PPFIA2: variants seen among roughly 807,000 people sequenced by gnomAD.
The protein encoded by PPFIA2 is PPFI scaffold protein A2, also known as liprin-alpha-2.
In PPFIA2, 46 loss-of-function variants were observed where a neutral mutation model predicts 175.5. That is an observed-to-expected ratio of 0.26 (90% CI 0.21 to 0.34). The LOEUF is 0.34. PPFIA2 is among the 10% of genes least tolerant of loss of function. PPFIA2 has a pLI of 1.00. For missense variants in PPFIA2, 1,179 were observed against 1,506.1 expected (o/e 0.78, Z 3.60); for synonymous variants, 568 against 511.4 (o/e 1.11, Z -1.49).
chr12:81,637,576 T>C (rs1056044349), intron 4 of PPFIA2, among the ~76,000 whole-genome samples: 4 of 152,126 alleles, frequency 2.6e-5, no homozygotes, highest in African/African-American at 7.2e-5. Context: ...ACTTACAGCA[T>C]TGTAGCATTT....
intron 22 of PPFIA2, among the ~76,000 whole-genome samples, chr12:81,308,498 C>T (rs2049915025): frequency 1.3e-5 from 2 of 152,156 alleles, no homozygotes; most frequent in African/African-American, 4.8e-5. Flanking sequence ...CTCTCTTAAC[C>T]TCCATGCCAT....
intron 8 of PPFIA2, among the ~76,000 whole-genome samples, chr12:81,388,367 A>C (rs541225183): frequency 6.6e-6 from 1 of 152,290 alleles, no homozygotes; most frequent in African/African-American, 2.4e-5. Context: ...AAAAACATTA[A>C]GCTGAGAAAT....
At chr12:81,346,361 T>G (rs2059068842) in intron 18 of PPFIA2, among the ~76,000 whole-genome samples, 1 of 151,760 alleles carries the variant, frequency 6.6e-6, no homozygotes, top group African/African-American at 2.4e-5. Context: ...CACTCTCTGT[T>G]GAGATAATGC....
At chr12:81,439,534 G>A (rs1475019786) in intron 7 of PPFIA2, among the ~76,000 whole-genome samples, 2 of 152,076 alleles carry the variant, frequency 1.3e-5, no homozygotes, top group Non-Finnish European at 2.9e-5. Context: ...ATTCAGTGAC[G>A]TCACTAAATA....
intron 4 of PPFIA2, among the ~76,000 whole-genome samples, chr12:81,626,221 G>C (rs1406253500): frequency 6.6e-6 from 1 of 151,668 alleles, no homozygotes; most frequent in Non-Finnish European, 1.5e-5. Flanking sequence ...TAAAAAAAAG[G>C]GGGTGGGATG....
intron 28 of PPFIA2, among the ~76,000 whole-genome samples, chr12:81,275,418 T>A (rs2040265503): frequency 6.6e-6 from 1 of 152,244 alleles, no homozygotes; most frequent in Non-Finnish European, 1.5e-5. Flanking sequence ...CCATTAGAAC[T>A]AATGTACTTT....
intron 4 of PPFIA2, among the ~76,000 whole-genome samples, chr12:81,463,109 A>G (rs2054950928): frequency 6.6e-6 from 1 of 152,100 alleles, no homozygotes; most frequent in Non-Finnish European, 1.5e-5. Flanking sequence ...AAAATGTATG[A>G]TTTAAATATA....
chr12:81,495,586 C>T (rs1007604258), intron 4 of PPFIA2, among the ~76,000 whole-genome samples: 3 of 152,136 alleles, frequency 2.0e-5, no homozygotes, highest in Admixed American at 6.6e-5. Flanking sequence ...AGAAGGATTG[C>T]TTGAGCCCAG....
intron 3 of PPFIA2, among the ~76,000 whole-genome samples, chr12:81,753,480 T>C (rs1251511877): frequency 2.0e-5 from 3 of 149,598 alleles, no homozygotes; most frequent in African/African-American, 7.4e-5. Context: ...AGGGAGAGGA[T>C]AATATATTAG....
intron 22 of PPFIA2, among the ~76,000 whole-genome samples, chr12:81,316,330 T>C (rs2052346253): frequency 6.6e-6 from 1 of 151,616 alleles, no homozygotes; most frequent in South Asian, 2.1e-4. Flanking sequence ...TGAGATTTTA[T>C]ATTAACAGGA....
intron 4 of PPFIA2, among the ~76,000 whole-genome samples, chr12:81,671,006 A>G (rs903915553): frequency 2.6e-5 from 4 of 151,922 alleles, no homozygotes; most frequent in African/African-American, 9.7e-5. Context: ...CATCAACTCC[A>G]ATAGCTTTAA....
At chr12:81,398,504 C>A (rs746789109) in intron 8 of PPFIA2, among the ~76,000 whole-genome samples, 2 of 151,976 alleles carry the variant, frequency 1.3e-5, no homozygotes, top group Non-Finnish European at 2.9e-5. Context: ...TACTTGTTAC[C>A]TGTTTATCTC....
intron 4 of PPFIA2, among the ~76,000 whole-genome samples, chr12:81,582,163 T>C (rs901253658): frequency 6.6e-6 from 1 of 151,960 alleles, no homozygotes; most frequent in East Asian, 1.9e-4. Flanking sequence ...AATTGAAACA[T>C]CTTGTTTACA....
chr12:81,353,348 T>C lies in PPFIA2; in HGVS notation c.1774-9A>G. 2 of 1,591,588 alleles carry C rather than the reference T, an allele frequency of 1.3e-6. No homozygotes were observed. Among genetic ancestry groups the C allele is most frequent in the South Asian group, 2.2e-5 (2 of 90,540 alleles). ...TCCCCAAGAGATTTCACCTGAATGG[T>C]GAATGAAAAAATGCAGAATATTTAT... On this transcript the variant is annotated splice_polypyrimidine_tract_variant and intron_variant, in intron 16 of 32. Transcript: ENST00000549396.
intron 4 of PPFIA2, among the ~76,000 whole-genome samples, chr12:81,676,399 C>T (rs1262238553): frequency 6.6e-6 from 1 of 151,916 alleles, no homozygotes; most frequent in East Asian, 1.9e-4. Context: ...TAGAAAAGAA[C>T]AATGTCCAGA....
chr12:81,337,902 C>T (rs2057377918), intron 21 of PPFIA2, among the ~76,000 whole-genome samples: 1 of 152,094 alleles, frequency 6.6e-6, no homozygotes, highest in Admixed American at 6.6e-5. Flanking sequence ...ATCTGTGTCT[C>T]TCTTTTTTCC....
At chr12:81,431,504 T>C (rs1316655611) in intron 7 of PPFIA2, 11 of 152,236 alleles carry the variant, frequency 7.2e-5, no homozygotes, top group Non-Finnish European at 1.6e-4. Context: ...CAAAAAGGCC[T>C]AAAATTACAA....
At position 81,445,631 on chromosome 12, in the gene PPFIA2, T is replaced by C; in HGVS notation, c.495A>G (p.Ser165=). The C allele has an allele frequency of 1.2e-6, 2 of 1,613,926 alleles. No homozygotes were observed. Among genetic ancestry groups the C allele is most frequent in the South Asian group, 2.2e-5 (2 of 91,072 alleles). Residue 165 remains serine (S), a synonymous_variant, in exon 6 of 33, where the codon TCA becomes TCG. Coordinates refer to ENST00000549396, the MANE Select transcript of PPFIA2 (RefSeq NM_003625.5). ...TVVKRQAQSP[S]GVSSEVEVLK... is the part of the protein sequence containing the mutation. ...GAACTTCAACTTCACTGGATACTCCTGAGGGAGACTGGGCTTGCCGTTTTA... is the reference window on the plus strand; with the variant it reads ...GAACTTCAACTTCACTGGATACTCCCGAGGGAGACTGGGCTTGCCGTTTTA...
At chr12:81,607,494 T>C (rs1339296179) in intron 4 of PPFIA2, among the ~76,000 whole-genome samples, 1 of 152,068 alleles carries the variant, frequency 6.6e-6, no homozygotes, top group Non-Finnish European at 1.5e-5. Flanking sequence ...TTGCAGTTCC[T>C]CTTGTACAGA....
Sources: gnomAD v4.1 joint callset for allele counts (sites outside exome capture counted in the v4.1 genomes callset) on GRCh38, gnomAD v4.1.1 for gene constraint, MANE v1.5 for transcripts, NCBI Gene and HGNC (gene_info 2026-07-23, HGNC 2026-07-21) for gene names.